KLF9: variants seen among roughly 807,000 people sequenced by gnomAD.
KLF9 encodes Krueppel-like factor 9.
Under a neutral mutation model 17.3 loss-of-function variants are expected in KLF9, and 2 were observed. The ratio of observed to expected loss-of-function variants is 0.12; its 90% CI spans 0.05 to 0.36. The LOEUF (loss-of-function observed/expected upper bound fraction) is 0.36, where lower values mean the gene tolerates loss of function less well. KLF9 is among the 10% of genes least tolerant of loss of function. The pLI is 1.00. For missense variants in KLF9, 226 were observed against 333.2 expected (o/e 0.68, Z 2.51); for synonymous variants, 138 against 139.2 (o/e 0.99, Z 0.06).
chr9:70,411,485 C>T (rs1440949450), intron 1 of KLF9, among the ~76,000 whole-genome samples: 1 of 152,166 alleles, frequency 6.6e-6, no homozygotes, highest in Non-Finnish European at 1.5e-5. Flanking sequence ...TTTATGGCAA[C>T]CTAAATGATG....
chr9:70,406,438 C>T (rs868155698), intron 1 of KLF9, among the ~76,000 whole-genome samples: 1 of 152,166 alleles, frequency 6.6e-6, no homozygotes, highest in South Asian at 2.1e-4. Flanking sequence ...TTCTTAAAGA[C>T]AAAATGATGG....
intron 1 of KLF9, among the ~76,000 whole-genome samples, chr9:70,411,250 A>T (rs2037309749): frequency 6.6e-6 from 1 of 152,220 alleles, no homozygotes; most frequent in Non-Finnish European, 1.5e-5. Context: ...AGCTCCCTGA[A>T]GGAGAAAATG....
At chr9:70,402,015 A>C (rs1362669306) in intron 1 of KLF9, among the ~76,000 whole-genome samples, 4 of 152,046 alleles carry the variant, frequency 2.6e-5, no homozygotes, top group Non-Finnish European at 5.9e-5. Context: ...CTGTCTCAAA[A>C]AAAATAAATA....
Position 70,414,242 on chromosome 9 carries a change from GC to G in KLF9, c.-880del, listed in dbSNP as rs2037359948. 6.6e-6 allele frequency: 1 copy of G among 152,260 alleles called. No individual in the cohort carries two copies. Among genetic ancestry groups the G allele is most frequent in the South Asian group, 2.1e-4 (1 of 4,834 alleles). 9.4% of individuals were successfully genotyped at this position (152,260 alleles called of 1,614,324 possible). ...CCTCGCGGTCCCGTGGCCGGTCCGGGCCTCCTGGCTCACGTTCCAGCTTGCG... is the reference window on the plus strand; with the variant it reads ...CCTCGCGGTCCCGTGGCCGGTCCGGGCTCCTGGCTCACGTTCCAGCTTGCG... On this transcript the variant is annotated 5_prime_UTR_variant, in exon 1 of 2. Transcript: ENST00000377126.
At chr9:70,406,438 CAA>C (rs2037255259) in intron 1 of KLF9, among the ~76,000 whole-genome samples, 1 of 152,166 alleles carries the variant, frequency 6.6e-6, no homozygotes, top group South Asian at 2.1e-4. Context: ...TTCTTAAAGA[CAA>C]AATGATGGAT....
At chr9:70,409,443 A>G (rs1188740540) in intron 1 of KLF9, among the ~76,000 whole-genome samples, 7 of 151,640 alleles carry the variant, frequency 4.6e-5, no homozygotes, top group Non-Finnish European at 4.4e-5. Flanking sequence ...ACCCAGCATG[A>G]TTCAACATCA....
At chr9:70,389,602 G>A (rs755976831) in intron 1 of KLF9, among the ~76,000 whole-genome samples, 7 of 152,110 alleles carry the variant, frequency 4.6e-5, no homozygotes, top group Non-Finnish European at 1.0e-4. Context: ...GCTAAGTCCT[G>A]CCTGCCAGAT....
chr9:70,411,314 A>G (rs2037310875), intron 1 of KLF9, among the ~76,000 whole-genome samples: 1 of 152,164 alleles, frequency 6.6e-6, no homozygotes, highest in Non-Finnish European at 1.5e-5. Context: ...CTCCGGGAAC[A>G]TGGCTGACAC....
In KLF9 at chr9:70,385,559, T is replaced by C. The variant is rs2037104445; in HGVS notation, c.*2217A>G. The C allele has an allele frequency of 6.5e-6, 1 of 152,690 alleles. No homozygotes were observed. The allele number at this position is 152,690 out of a possible 1,614,324, so 9.5% of individuals were successfully genotyped here. A position where few individuals can be genotyped will look rare whatever the true frequency, so the allele number is the denominator to read the frequency against. ...CTTTCACTGACTTTGCTTTGCTTTC[T>C]TTCGTTTCTTTCTGTGAGGGAAAGA... On this transcript the variant is annotated 3_prime_UTR_variant, in exon 2 of 2. Transcript: ENST00000377126.
chr9:70,394,217 C>G (rs996697635), intron 1 of KLF9, among the ~76,000 whole-genome samples: 2 of 151,644 alleles, frequency 1.3e-5, no homozygotes, highest in Non-Finnish European at 2.9e-5. Context: ...CACCCCAACT[C>G]TACAAAAGAA....
At chr9:70,409,144 G>A (rs10780931) in intron 1 of KLF9, among the ~76,000 whole-genome samples, 1 of 55,496 alleles carries the variant, frequency 1.8e-5, no homozygotes. Context: ...ACATATATAT[G>A]TATATGTATA....
At chr9:70,396,391 A>C (rs2037181936) in intron 1 of KLF9, among the ~76,000 whole-genome samples, 2 of 152,216 alleles carry the variant, frequency 1.3e-5, no homozygotes, top group Non-Finnish European at 2.9e-5. Context: ...CTGTTATATA[A>C]TGAAATGGAA....
intron 1 of KLF9, among the ~76,000 whole-genome samples, chr9:70,388,697 C>A (rs1036788702): frequency 6.6e-6 from 1 of 152,176 alleles, no homozygotes; most frequent in African/African-American, 2.4e-5. Flanking sequence ...CAGCCTCCTA[C>A]CTGGAACGAG....
chr9:70,393,325 A>G (rs920975114), intron 1 of KLF9, among the ~76,000 whole-genome samples: 1 of 152,146 alleles, frequency 6.6e-6, no homozygotes. Context: ...GATGATGCCA[A>G]ATGAAGCCCA....
intron 1 of KLF9, 56 bp downstream of exon 1, chr9:70,412,803 C>G: frequency 6.6e-7 from 1 of 1,510,388 alleles, no homozygotes. Flanking sequence ...AGGAACGCTG[C>G]CTGGCCAAAG....
At chr9:70,398,263 T>A (rs2037197129) in intron 1 of KLF9, among the ~76,000 whole-genome samples, 1 of 152,100 alleles carries the variant, frequency 6.6e-6, no homozygotes, top group Non-Finnish European at 1.5e-5. Context: ...TACTTCCGGA[T>A]CTCTGTGTTT....
intron 1 of KLF9, among the ~76,000 whole-genome samples, chr9:70,400,175 T>C (rs2037211807): frequency 6.6e-6 from 1 of 152,130 alleles, no homozygotes; most frequent in Admixed American, 6.5e-5. Context: ...GTGCGCACCC[T>C]TCTAAAGTGC....
rs376324261 is a variant in KLF9, at chr9:70,385,563, G to A, written c.*2213C>T. Reference sequence around the variant, plus strand: ...CACTGACTTTGCTTTGCTTTCTTTCGTTTCTTTCTGTGAGGGAAAGATGAC... The same window carrying A: ...CACTGACTTTGCTTTGCTTTCTTTCATTTCTTTCTGTGAGGGAAAGATGAC... On this transcript the variant is annotated 3_prime_UTR_variant, in exon 2 of 2. Coordinates refer to ENST00000377126, the MANE Select transcript of KLF9 (RefSeq NM_001206.4). 1.7e-4 allele frequency: 26 copies of A among 152,558 alleles called. No individual in the cohort carries two copies. Among genetic ancestry groups the A allele is most frequent in the African/African-American group, 5.5e-4 (23 of 41,512 alleles). 9.5% of individuals were successfully genotyped at this position (152,558 alleles called of 1,614,324 possible).
chr9:70,389,339 T>TTTC (rs749611470), intron 1 of KLF9, among the ~76,000 whole-genome samples: 17 of 152,092 alleles, frequency 1.1e-4, no homozygotes, highest in Non-Finnish European at 2.5e-4. Context: ...CTCACTGAAT[T>TTTC]TTCACAAGCA....
Sources: allele counts gnomAD v4.1 joint callset (sites outside exome capture counted in the v4.1 genomes callset), GRCh38; gene constraint gnomAD v4.1.1; transcripts MANE v1.5; gene names NCBI Gene and HGNC (gene_info 2026-07-23, HGNC 2026-07-21).